The following KIRREL3 variants were observed in gnomAD, a reference collection of about 807,000 sequenced individuals.
The protein encoded by KIRREL3 is kin of IRRE-like protein 3.
A neutral mutation model predicts 89.7 loss-of-function variants in KIRREL3; 36 were observed. That is an observed-to-expected ratio of 0.40 (90% CI 0.31 to 0.53). The LOEUF (loss-of-function observed/expected upper bound fraction) is 0.53. Among genes scored for constraint, KIRREL3 ranks in the 20% least tolerant of loss-of-function variants. KIRREL3 has a pLI of 0.49. For missense variants in KIRREL3, 864 were observed against 1,056.6 expected (o/e 0.82, Z 2.53); for synonymous variants, 445 against 441.4 (o/e 1.01, Z -0.10).
chr11:126,560,133 A>T (rs185415594), intron 2 of KIRREL3, among the ~76,000 whole-genome samples: 1 of 152,232 alleles, frequency 6.6e-6, no homozygotes, highest in Admixed American at 6.5e-5. Context: ...GCTTAATCAC[A>T]TGAAGACAAT....
At position 126,975,933 on chromosome 11, in the gene KIRREL3, TCCC is replaced by T. The variant is rs60303770; in HGVS notation, c.55+24519_55+24521del. On this transcript the variant is annotated intron_variant, in intron 1 of 16. Coordinates refer to ENST00000525144, the MANE Select transcript of KIRREL3 (RefSeq NM_032531.4). ...CTCCCTCCCTTCCTCCCTCCCTCCCTCCCTCCCTTCCTTCCTTCCCTCCGTCCC... is the reference window on the plus strand; with the variant it reads ...CTCCCTCCCTTCCTCCCTCCCTCCCTTCCCTTCCTTCCTTCCCTCCGTCCC... 8.9e-5 allele frequency among the ~76,000 whole-genome samples: 5 copies of T among 56,068 alleles called. 1 individual carries two copies. The highest frequency in any genetic ancestry group is 2.9e-4 in the Admixed American group (1 of 3,414). 36.8% of individuals were successfully genotyped at this position (56,068 alleles called of 152,430 possible). A position where few individuals can be genotyped will look rare whatever the true frequency, so the allele number is the denominator to read the frequency against.
rs1944449335 is a variant in KIRREL3, at chr11:126,641,033, C to T, written c.56-78121G>A. ...TAACAGGCATCTCAAATTTCACATG[C>T]TCCGAAAAGAACTCCTGGTCTTCTC... On this transcript the variant is annotated intron_variant, in intron 1 of 16. Transcript: ENST00000525144. The surrounding 1 kb of genome is among the most constrained non-coding windows in gnomAD (Gnocchi z 5.0). Among the ~76,000 whole-genome samples, 1 of 152,118 alleles carries T rather than the reference C, an allele frequency of 6.6e-6. No individual in the cohort carries two copies. The highest frequency in any genetic ancestry group is 1.5e-5 in the Non-Finnish European group (1 of 68,028).
At chr11:126,966,565 C>T (rs939904166) in intron 1 of KIRREL3, among the ~76,000 whole-genome samples, 1 of 152,112 alleles carries the variant, frequency 6.6e-6, no homozygotes, top group Non-Finnish European at 1.5e-5. Flanking sequence ...TCGAAGGAGA[C>T]CTAGGTGGTG....
In KIRREL3 at chr11:126,443,359, C is replaced by G. The variant is rs117445852; in HGVS notation, c.1252+1620G>C. Among the ~76,000 whole-genome samples, 4 of 152,306 alleles carry G rather than the reference C, an allele frequency of 2.6e-5. No homozygotes were observed. The East Asian group carries it at 7.7e-4, about 29-fold the overall frequency. ...CTCTGAGCCGAGTGTCAGACACCTGCGCTGAAAGGAAAAGGCTGCAGCCTG... is the reference window on the plus strand; with the variant it reads ...CTCTGAGCCGAGTGTCAGACACCTGGGCTGAAAGGAAAAGGCTGCAGCCTG... On this transcript the variant is annotated intron_variant, in intron 10 of 16. Coordinates refer to ENST00000525144, the MANE Select transcript of KIRREL3 (RefSeq NM_032531.4). This position sits in a 1 kb window ranked among gnomAD's most constrained non-coding sequence, Gnocchi z 7.3.
rs561509497 is a variant in KIRREL3 at position 126,913,340 on chromosome 11, C to T, written c.55+87115G>A. ...TGTTCTCAGGGCTATTTAACCTCCT[C>T]ATCACTATTCAGTTCAGAATGGGGC... is the stretch of plus-strand genomic sequence containing the variant. On this transcript the variant is annotated intron_variant, in intron 1 of 16. Coordinates refer to ENST00000525144, the MANE Select transcript of KIRREL3 (RefSeq NM_032531.4). 1.4e-3 allele frequency among the ~76,000 whole-genome samples: 215 copies of T among 152,364 alleles called. 2 individuals are homozygous for T. The South Asian group carries it at 0.042, about 30-fold the overall frequency.
At chr11:126,670,774 C>T (rs551938262) in intron 1 of KIRREL3, among the ~76,000 whole-genome samples, 3 of 152,286 alleles carry the variant, frequency 2.0e-5, no homozygotes, top group African/African-American at 7.2e-5. Context: ...AACTGCTTTC[C>T]TCCATACCAA....
chr11:126,573,099 G>GC (rs1383334100), intron 1 of KIRREL3, among the ~76,000 whole-genome samples: 1 of 152,154 alleles, frequency 6.6e-6, no homozygotes, highest in Non-Finnish European at 1.5e-5. Context: ...GGCTGGGAAT[G>GC]CCCCCTCCAC....
chr11:126,761,206 A>C lies in KIRREL3; in HGVS notation c.56-198294T>G, dbSNP rs1248564827. On this transcript the variant is annotated intron_variant, in intron 1 of 16. Transcript: ENST00000525144. This position sits in a 1 kb window ranked among gnomAD's most constrained non-coding sequence, Gnocchi z 4.4. ...AACACTGGGAAGATATGGTGTTGGCAGGGACTCGGGACCCTGCAAGACCCA... is the reference window on the plus strand; with the variant it reads ...AACACTGGGAAGATATGGTGTTGGCCGGGACTCGGGACCCTGCAAGACCCA... 1.3e-5 allele frequency among the ~76,000 whole-genome samples: 2 copies of C among 152,210 alleles called. No individual in the cohort carries two copies. The highest frequency in any genetic ancestry group is 1.5e-5 in the Non-Finnish European group (1 of 68,038).
At chr11:126,511,327 G>GA (rs34288117) in intron 4 of KIRREL3, among the ~76,000 whole-genome samples, 53 of 145,266 alleles carry the variant, frequency 3.6e-4, no homozygotes, top group Admixed American at 4.8e-4. Flanking sequence ...CCATCTCAAA[G>GA]AAAAAAAAAA....
chr11:126,537,246 A>G lies in KIRREL3; in HGVS notation c.134-10559T>C, dbSNP rs1937970671. Among the ~76,000 whole-genome samples the G allele has an allele frequency of 1.3e-5, 2 of 152,170 alleles. No homozygotes were observed. The highest frequency in any genetic ancestry group is 4.1e-4 in the South Asian group (2 of 4,828). ...CCTGTGAGTGTGGGCAGCCCAGCTGAAACCCTGCCTGCACCCCTCAACTCT... is the reference window on the plus strand; with the variant it reads ...CCTGTGAGTGTGGGCAGCCCAGCTGGAACCCTGCCTGCACCCCTCAACTCT... On this transcript the variant is annotated intron_variant, in intron 2 of 16. Transcript: ENST00000525144. This position sits in a 1 kb window ranked among gnomAD's most constrained non-coding sequence, Gnocchi z 4.3.
rs1317318194 is a variant in KIRREL3, at chr11:126,976,127, C to T, written c.55+24328G>A. On this transcript the variant is annotated intron_variant, in intron 1 of 16. Coordinates refer to ENST00000525144, the MANE Select transcript of KIRREL3 (RefSeq NM_032531.4). This position sits in a 1 kb window ranked among gnomAD's most constrained non-coding sequence, Gnocchi z 4.2. ...GCTTTCTACAGAGGATGCTGAGAAGCACATTATTTGTCACCATGCCACATT... is the reference window on the plus strand; with the variant it reads ...GCTTTCTACAGAGGATGCTGAGAAGTACATTATTTGTCACCATGCCACATT... 6.6e-6 allele frequency among the ~76,000 whole-genome samples: 1 copy of T among 151,884 alleles called. No individual in the cohort carries two copies. Among genetic ancestry groups the T allele is most frequent in the Non-Finnish European group, 1.5e-5 (1 of 67,992 alleles).
chr11:126,568,310 A>G lies in KIRREL3; in HGVS notation c.56-5398T>C, dbSNP rs1940667624. Among the ~76,000 whole-genome samples the G allele has an allele frequency of 6.7e-6, 1 of 150,210 alleles. No individual in the cohort carries two copies. The highest frequency in any genetic ancestry group is 1.5e-5 in the Non-Finnish European group (1 of 67,028). On this transcript the variant is annotated intron_variant, in intron 1 of 16. Transcript: ENST00000525144. This position sits in a 1 kb window ranked among gnomAD's most constrained non-coding sequence, Gnocchi z 4.6. Reference sequence around the variant, plus strand: ...CAGATGATGGATGGGAGATGAGCTCAGAGAAGGGAGGCTGGCTGGGAGACC... The same window carrying G: ...CAGATGATGGATGGGAGATGAGCTCGGAGAAGGGAGGCTGGCTGGGAGACC...
In KIRREL3 at chr11:126,628,605, T is replaced by A. The variant is rs1009504867; in HGVS notation, c.56-65693A>T. 2.0e-5 allele frequency among the ~76,000 whole-genome samples: 3 copies of A among 152,238 alleles called. No individual in the cohort carries two copies. Among genetic ancestry groups the A allele is most frequent in the African/African-American group, 7.2e-5 (3 of 41,466 alleles). ...CCTTTCTATAAGCCTTCTTCTGAGA[T>A]CCAGCCCAGTCTCCTTGGGCAGTGT... On this transcript the variant is annotated intron_variant, in intron 1 of 16. Transcript: ENST00000525144. The surrounding 1 kb of genome is among the most constrained non-coding windows in gnomAD (Gnocchi z 5.2).
chr11:126,697,726 C>G lies in KIRREL3; in HGVS notation c.56-134814G>C, dbSNP rs1174053010. 6.6e-6 allele frequency among the ~76,000 whole-genome samples: 1 copy of G among 152,230 alleles called. No individual in the cohort carries two copies. Among genetic ancestry groups the G allele is most frequent in the Admixed American group, 6.5e-5 (1 of 15,282 alleles). On this transcript the variant is annotated intron_variant, in intron 1 of 16. Coordinates refer to ENST00000525144, the MANE Select transcript of KIRREL3 (RefSeq NM_032531.4). The surrounding 1 kb of genome is among the most constrained non-coding windows in gnomAD (Gnocchi z 4.2). ...CATTCAGCCTCACTTGCCGGGGACTCAGCTTCTCCCGGGGCCTCCGGGTGG... is the reference window on the plus strand; with the variant it reads ...CATTCAGCCTCACTTGCCGGGGACTGAGCTTCTCCCGGGGCCTCCGGGTGG...
chr11:126,967,623 A>G (rs1202559343), intron 1 of KIRREL3, among the ~76,000 whole-genome samples: 3 of 152,190 alleles, frequency 2.0e-5, no homozygotes, highest in South Asian at 4.2e-4. Flanking sequence ...AGAAATGGCC[A>G]GGATCGTGTC....
rs1006480176 is a variant in KIRREL3 at position 126,645,204 on chromosome 11, A to G, written c.56-82292T>C. Among the ~76,000 whole-genome samples the G allele has an allele frequency of 6.6e-6, 1 of 152,208 alleles. No individual in the cohort carries two copies. Among genetic ancestry groups the G allele is most frequent in the East Asian group, 1.9e-4 (1 of 5,190 alleles). Reference sequence around the variant, plus strand: ...AGAAAGTGAAGGGATGCAGACTGACATCGTAACAATTCAAATGCTAATGAA... The same window carrying G: ...AGAAAGTGAAGGGATGCAGACTGACGTCGTAACAATTCAAATGCTAATGAA... On this transcript the variant is annotated intron_variant, in intron 1 of 16. Coordinates refer to ENST00000525144, the MANE Select transcript of KIRREL3 (RefSeq NM_032531.4). This position sits in a 1 kb window ranked among gnomAD's most constrained non-coding sequence, Gnocchi z 4.9.
chr11:126,777,421 G>A (rs890213156), intron 1 of KIRREL3, among the ~76,000 whole-genome samples: 2 of 152,156 alleles, frequency 1.3e-5, no homozygotes, highest in Non-Finnish European at 2.9e-5. Flanking sequence ...GGCTGAAAAT[G>A]TAGGTTGGAG....
At chr11:126,466,101 A>T (rs117213516) in intron 5 of KIRREL3, among the ~76,000 whole-genome samples, 1 of 152,086 alleles carries the variant, frequency 6.6e-6, no homozygotes. Flanking sequence ...CCCAGCTCTA[A>T]TTAGGCCCTC....
intron 13 of KIRREL3, among the ~76,000 whole-genome samples, chr11:126,433,080 T>C (rs1049561202): frequency 8.5e-5 from 13 of 152,342 alleles, no homozygotes; most frequent in Admixed American, 7.8e-4. Context: ...GGTTTCACCA[T>C]GTTGGCCAGG....
Sources: gnomAD v4.1 joint callset for allele counts (sites outside exome capture counted in the v4.1 genomes callset) on GRCh38, gnomAD v4.1.1 for gene constraint, Gnocchi (gnomAD v3.1) non-coding constraint, MANE v1.5 for transcripts, NCBI Gene and HGNC (gene_info 2026-07-23, HGNC 2026-07-21) for gene names.